FOXO1: variants seen among roughly 807,000 people sequenced by gnomAD.
The protein encoded by FOXO1 is forkhead box O1, also known as forkhead box protein O1.
In FOXO1, 6 loss-of-function variants were observed where a neutral mutation model predicts 44.1. The observed-to-expected ratio is 0.14, with a 90% CI of 0.07 to 0.27. The LOEUF is 0.27. Ranked by LOEUF, FOXO1 falls within the 10% of genes least tolerant of loss-of-function variation. FOXO1 has a pLI of 1.00. For synonymous variants in FOXO1, 380 were observed against 362.7 expected (o/e 1.05, Z -0.54); for missense variants, 737 against 888.8 (o/e 0.83, Z 2.17).
chr13:40,584,138 T>A (rs887468356), intron 1 of FOXO1, among the ~76,000 whole-genome samples: 4 of 152,006 alleles, frequency 2.6e-5, no homozygotes, highest in Non-Finnish European at 5.9e-5. Flanking sequence ...ATCAGTTAAG[T>A]TTGCAGTCTT....
intron 1 of FOXO1, among the ~76,000 whole-genome samples, chr13:40,646,470 G>A (rs756767053): frequency 2.6e-5 from 4 of 151,996 alleles, no homozygotes; most frequent in Admixed American, 6.6e-5. Flanking sequence ...TGTTGGTGCC[G>A]TGAGCTGCGC....
At chr13:40,583,612 C>T (rs1875037419) in intron 1 of FOXO1, among the ~76,000 whole-genome samples, 2 of 152,270 alleles carry the variant, frequency 1.3e-5, no homozygotes, top group East Asian at 3.9e-4. Flanking sequence ...AACCAACAAC[C>T]TCTGCTAGTT....
chr13:40,603,500 T>C (rs1482010428), intron 1 of FOXO1, among the ~76,000 whole-genome samples: 2 of 152,142 alleles, frequency 1.3e-5, no homozygotes, highest in East Asian at 3.8e-4. Context: ...CTTAAACATT[T>C]GCCTTAAAAA....
intron 1 of FOXO1, among the ~76,000 whole-genome samples, chr13:40,597,002 A>G (rs1305975589): frequency 1.3e-5 from 2 of 152,158 alleles, no homozygotes; most frequent in Non-Finnish European, 2.9e-5. Flanking sequence ...CCACCTCCCT[A>G]CATCAAGAAG....
At chr13:40,608,780 A>G (rs973506205) in intron 1 of FOXO1, among the ~76,000 whole-genome samples, 2 of 152,314 alleles carry the variant, frequency 1.3e-5, no homozygotes, top group Non-Finnish European at 2.9e-5. Context: ...AGAGGGTGGC[A>G]ACAAATGTTA....
At chr13:40,595,048 G>A (rs1875524536) in intron 1 of FOXO1, among the ~76,000 whole-genome samples, 1 of 152,088 alleles carries the variant, frequency 6.6e-6, no homozygotes, top group Non-Finnish European at 1.5e-5. Flanking sequence ...GAACTAAGAT[G>A]GAATCTATCC....
Position 40,560,326 on chromosome 13 carries a change from C to A in FOXO1, c.1165G>T (p.Val389Phe). Residue 389 changes from valine (V) to phenylalanine (F), a missense_variant, in exon 2 of 3, where the codon GTT becomes TTT. Physicochemically the swap from Val to Phe is conservative, Grantham distance 50. This residue lies in a region of FOXO1 where 283 missense variants were observed against 278.1 expected (regional missense o/e 1.02). Transcript: ENST00000379561. The surrounding 1 kb of genome is among the most constrained non-coding windows in gnomAD (Gnocchi z 5.1). Reference sequence around the variant, plus strand: ...GTGCCAGGTGAGGACTGGGTCGAAACAGTTAATGATGTTGGTGATGAGAGA... The same window carrying A: ...GTGCCAGGTGAGGACTGGGTCGAAAAAGTTAATGATGTTGGTGATGAGAGA... ...NLLSSPTSLT[V>F]STQSSPGTMM... 2 of 1,614,124 alleles carry A rather than the reference C, an allele frequency of 1.2e-6. No individual in the cohort carries two copies. The highest frequency in any genetic ancestry group is 1.7e-6 in the Non-Finnish European group (2 of 1,180,026).
intron 1 of FOXO1, among the ~76,000 whole-genome samples, chr13:40,585,691 T>G (rs933380009): frequency 2.6e-5 from 4 of 152,166 alleles, no homozygotes; most frequent in African/African-American, 9.7e-5. Flanking sequence ...CCTACTCAGG[T>G]TAATCTCAAA....
At chr13:40,628,600 C>T (rs56929457) in intron 1 of FOXO1, among the ~76,000 whole-genome samples, 116 of 152,226 alleles carry the variant, frequency 7.6e-4, no homozygotes, top group African/African-American at 2.7e-3. Context: ...TCGACTCATA[C>T]GATCTAGACC....
At chr13:40,566,161 T>G (rs372875345) in intron 1 of FOXO1, among the ~76,000 whole-genome samples, 1 of 151,950 alleles carries the variant, frequency 6.6e-6, no homozygotes, top group South Asian at 2.1e-4. Context: ...GCAGCAGGGG[T>G]TGGCAGAGCA....
intron 1 of FOXO1, among the ~76,000 whole-genome samples, chr13:40,641,219 T>TA (rs966306749): frequency 1.3e-5 from 2 of 152,106 alleles, no homozygotes; most frequent in African/African-American, 4.8e-5. Flanking sequence ...TGAAGCCAAC[T>TA]AAATAGAGCC....
rs879575006 is a variant in FOXO1 at position 40,623,123 on chromosome 13, TA to T, written c.630+42459del. 6.6e-3 allele frequency among the ~76,000 whole-genome samples: 956 copies of T among 143,940 alleles called. 6 individuals are homozygous for T. The highest frequency in any genetic ancestry group is 0.02 in the African/African-American group (789 of 39,448). The allele number at this position is 143,940 out of a possible 152,430, so 94.4% of individuals were successfully genotyped here. The stretch of plus-strand genomic sequence containing the variant: ...CTCTAAGTTATCCAATGGGAATGTT[TA>T]AAAAAAAAAAAGGAATACAGTTAAA... On this transcript the variant is annotated intron_variant, in intron 1 of 2. Transcript: ENST00000379561.
chr13:40,597,189 T>C (rs1460195687), intron 1 of FOXO1, among the ~76,000 whole-genome samples: 1 of 126,672 alleles, frequency 7.9e-6, no homozygotes, highest in Non-Finnish European at 1.6e-5. Context: ...CTTTAATATC[T>C]AGTCTTTCCT....
At chr13:40,563,597 C>T (rs1162625632) in intron 1 of FOXO1, among the ~76,000 whole-genome samples, 2 of 150,918 alleles carry the variant, frequency 1.3e-5, no homozygotes, top group African/African-American at 4.9e-5. Context: ...CAAGAATCCC[C>T]ACCTTCCTCC....
intron 1 of FOXO1, among the ~76,000 whole-genome samples, chr13:40,620,869 G>A (rs866420162): frequency 1.8e-4 from 26 of 144,854 alleles, no homozygotes. Flanking sequence ...TGCGATCTTG[G>A]CTCACTGCAA....
intron 1 of FOXO1, among the ~76,000 whole-genome samples, chr13:40,662,908 T>C (rs1264692825): frequency 6.6e-6 from 1 of 152,250 alleles, no homozygotes; most frequent in Non-Finnish European, 1.5e-5. Flanking sequence ...GTCTTTCAGA[T>C]CTGAGAGTGA....
At chr13:40,664,258 C>T (rs893821570) in intron 1 of FOXO1, among the ~76,000 whole-genome samples, 68 of 152,294 alleles carry the variant, frequency 4.5e-4, no homozygotes, top group African/African-American at 1.5e-3. Context: ...GGCGACAGAG[C>T]GAGACTCCGT....
Position 40,666,241 on chromosome 13 carries a change from G to A in FOXO1, c.-29C>T, listed in dbSNP as rs1480315352. The stretch of plus-strand genomic sequence containing the variant: ...GACCCCCGCCCCTCCCCCAGCCGCA[G>A]GAGAGCCAAGAGGGGGAGAACGCAG... On this transcript the variant is annotated 5_prime_UTR_variant, in exon 1 of 3. Coordinates refer to ENST00000379561, the MANE Select transcript of FOXO1 (RefSeq NM_002015.4). 1 of 1,374,480 alleles carries A rather than the reference G, an allele frequency of 7.3e-7. No individual in the cohort carries two copies. Among genetic ancestry groups the A allele is most frequent in the Non-Finnish European group, 9.4e-7 (1 of 1,064,322 alleles). 85.1% of individuals were successfully genotyped at this position (1,374,480 alleles called of 1,614,324 possible).
rs1300857603 is a variant in FOXO1, at chr13:40,560,273, C to T, written c.1218G>A (p.Ser406=). Residue 406 remains serine, a synonymous_variant, in exon 2 of 3, where the codon TCG becomes TCA. Coordinates refer to ENST00000379561, the MANE Select transcript of FOXO1 (RefSeq NM_002015.4). This position sits in a 1 kb window ranked among gnomAD's most constrained non-coding sequence, Gnocchi z 5.1. ...TCAAACTGGTGTTTGGTGGCGCAAA[C>T]GAGTAGCACGGCGTCTGCTGCATCA... ...GTMMQQTPCY[S]FAPPNTSLNS... 3.7e-5 allele frequency: 60 copies of T among 1,614,014 alleles called. No individual in the cohort carries two copies. The highest frequency in any genetic ancestry group is 4.7e-5 in the Non-Finnish European group (56 of 1,180,038).
Sources: allele counts gnomAD v4.1 joint callset (sites outside exome capture counted in the v4.1 genomes callset), GRCh38; gene constraint gnomAD v4.1.1; regional missense constraint gnomAD v4.1.1; non-coding constraint Gnocchi (gnomAD v3.1); transcripts MANE v1.5; gene names NCBI Gene and HGNC (gene_info 2026-07-23, HGNC 2026-07-21).